Variants in CLSPN observed in about 807,000 individuals in gnomAD.
CLSPN encodes claspin, also known as claspin homolog.
Under a neutral mutation model 156.3 loss-of-function variants are expected in CLSPN, and 85 were observed. The ratio of observed to expected loss-of-function variants is 0.54; its 90% CI spans 0.46 to 0.65. The LOEUF is 0.65. CLSPN is among the 30% of genes least tolerant of loss of function. The probability of loss-of-function intolerance (pLI) is 0.00; values close to 1 mark genes in which losing one functional copy is unlikely to be tolerated. For missense variants in CLSPN, 1,407 were observed against 1,554.9 expected (o/e 0.90, Z 1.60); for synonymous variants, 534 against 542.4 (o/e 0.98, Z 0.22).
chr1:35,723,214 C>T (rs1290767088), intron 24 of CLSPN, among the ~76,000 whole-genome samples: 1 of 152,200 alleles, frequency 6.6e-6, no homozygotes, highest in Non-Finnish European at 1.5e-5. Flanking sequence ...GGTTCACCTA[C>T]CCACATATAT....
At chr1:35,740,969 C>T (rs1453242037) in intron 18 of CLSPN, among the ~76,000 whole-genome samples, 1 of 151,988 alleles carries the variant, frequency 6.6e-6, no homozygotes, top group Non-Finnish European at 1.5e-5. Context: ...TAAATTAGAA[C>T]CCAAAGTGAA....
chr1:35,762,481 T>A lies in CLSPN; in HGVS notation c.745A>T (p.Lys249Ter). ...AVKNKVKKHK[K>*]KEPSLESGVH... ...CCACTCTCCAAAGATGGTTCTTTTT[T>A]CTAAAAGAAATGGCAGGTTGATTAG... Residue 249 changes from lysine (K) to a stop codon, truncating the protein, a stop_gained and splice_region_variant, in exon 5 of 25, where the codon AAA becomes TAA. Transcript: ENST00000318121. LOFTEE classifies it high-confidence loss of function. 1 of 1,613,290 alleles carries A rather than the reference T, an allele frequency of 6.2e-7. No individual in the cohort carries two copies. Among genetic ancestry groups the A allele is most frequent in the Non-Finnish European group, 8.5e-7 (1 of 1,179,386 alleles).
intron 21 of CLSPN, 149 bp from the exon 22 acceptor site, chr1:35,738,246 G>T: frequency 1.5e-6 from 1 of 662,420 alleles, no homozygotes; most frequent in Non-Finnish European, 2.3e-6. Context: ...TGCTGCTTTA[G>T]ACAAAAAAAA....
chr1:35,763,208 T>C lies in CLSPN; in HGVS notation c.696A>G (p.Ser232=). Residue 232 remains serine (S), a synonymous_variant, in exon 4 of 25, where the codon TCA becomes TCG. Coordinates refer to ENST00000318121, the MANE Select transcript of CLSPN (RefSeq NM_022111.4). ...ENNSPLEDEE[S]LESIRAAVKN... ...TTACAGCTGCTCTTATTGATTCTAA[T>C]GACTCTTCATCTTCCAATGGAGAGT... 6.2e-7 allele frequency: 1 copy of C among 1,606,330 alleles called. No individual in the cohort carries two copies.
intron 9 of CLSPN, 61 bp downstream of exon 9, chr1:35,753,684 C>T: frequency 6.8e-7 from 1 of 1,474,580 alleles, no homozygotes; most frequent in Non-Finnish European, 9.4e-7. Context: ...TTTCAATAGC[C>T]TTGAAGATCT....
At chr1:35,742,909 G>A (rs1477456193) in intron 18 of CLSPN, among the ~76,000 whole-genome samples, 1 of 151,634 alleles carries the variant, frequency 6.6e-6, no homozygotes, top group African/African-American at 2.4e-5. Context: ...CATCACATCT[G>A]GCTAATTTTT....
chr1:35,727,790 T>A (rs938088832), downstream of CLSPN, among the ~76,000 whole-genome samples: 2 of 152,214 alleles, frequency 1.3e-5, no homozygotes, highest in African/African-American at 4.8e-5. Context: ...TTAACTCAGA[T>A]TATTCAGATG....
rs752391838 is a variant in CLSPN, at chr1:35,736,500, C to G, written c.4016G>C (p.Ser1339Thr). The change falls in exon 25 of 25, where the codon AGC becomes ACC. Residue 1339 changes from serine to threonine, a missense_variant. By Grantham distance (58) the Ser-to-Thr change is moderately conservative (BLOSUM62 1). Coordinates refer to ENST00000318121, the MANE Select transcript of CLSPN (RefSeq NM_022111.4). ...ATTTTGGCACCTTTGATGGTGTTAG[C>G]TCTCCAAATATTTGAAGATGCTTCG... ...LTRSIFKYLE[S>T] 6.3e-7 allele frequency: 1 copy of G among 1,597,758 alleles called. No homozygotes were observed. The highest frequency in any genetic ancestry group is 8.5e-7 in the Non-Finnish European group (1 of 1,173,156).
rs1190794874 is a variant in CLSPN, at chr1:35,733,330, T to TC, written c.*3165_*3166insG. On this transcript the variant is annotated 3_prime_UTR_variant, in exon 25 of 25. Transcript: ENST00000318121. ...TTTTCTTTTTTTTTTCTTTTTTTTT[T>TC]TTTTTTTAGAGTTGGGATTTCACCA... 2 of 251,414 alleles carry TC rather than the reference T, an allele frequency of 8.0e-6. No individual in the cohort carries two copies. The highest frequency in any genetic ancestry group is 1.8e-4 in the East Asian group (1 of 5,616). 15.6% of individuals were successfully genotyped at this position (251,414 alleles called of 1,614,324 possible).
intron 24 of CLSPN, 134 bp from the exon 25 acceptor site, chr1:35,736,740 G>C: frequency 7.1e-7 from 1 of 1,399,782 alleles, no homozygotes; most frequent in Non-Finnish European, 9.5e-7. Flanking sequence ...AACTTTCTCG[G>C]CAAGTTTAAA....
chr1:35,739,096 G>T (rs1557502202), intron 20 of CLSPN, 40 bp downstream of exon 20: 2 of 1,612,868 alleles, frequency 1.2e-6, no homozygotes, highest in African/African-American at 2.7e-5. Context: ...ACCATGCTCA[G>T]CCCGTAACTG....
In CLSPN at chr1:35,746,253, T is replaced by A. The variant is rs1361279020; in HGVS notation, c.2854+513A>T. On this transcript the variant is annotated intron_variant, in intron 15 of 24. Transcript: ENST00000318121. This position sits in a 1 kb window ranked among gnomAD's most constrained non-coding sequence, Gnocchi z 4.2. ...AGCCACTGCGCCCGGCCTAAAGTAGTCTTAAGTTGATACTTTACCACTCTA... is the reference window on the plus strand; with the variant it reads ...AGCCACTGCGCCCGGCCTAAAGTAGACTTAAGTTGATACTTTACCACTCTA... Among the ~76,000 whole-genome samples, 2 of 152,052 alleles carry A rather than the reference T, an allele frequency of 1.3e-5. No homozygotes were observed. Among genetic ancestry groups the A allele is most frequent in the African/African-American group, 4.8e-5 (2 of 41,394 alleles).
chr1:35,739,170 A>T lies in CLSPN; in HGVS notation c.3396T>A (p.Pro1132=). 1 of 1,614,192 alleles carries T rather than the reference A, an allele frequency of 6.2e-7. No individual in the cohort carries two copies. Among genetic ancestry groups the T allele is most frequent in the South Asian group, 1.1e-5 (1 of 91,084 alleles). ...LADGDLHSDG[P]GRMRKFRWKN... ...TCCATCGAAACTTCCTCATTCGCCC[A>T]GGACCATCGCTGTGCAGATCCCCAT... Residue 1132 remains proline, a synonymous_variant, in exon 20 of 25, where the codon CCT becomes CCA. Transcript: ENST00000318121.
At chr1:35,760,050 T>C (rs1037628575) in intron 8 of CLSPN, among the ~76,000 whole-genome samples, 26 of 152,228 alleles carry the variant, frequency 1.7e-4, no homozygotes, top group Non-Finnish European at 2.6e-4. Context: ...GCCAGGCTAG[T>C]CTCAAACTCC....
intron 16 of CLSPN, among the ~76,000 whole-genome samples, chr1:35,743,760 A>G (rs1361781370): frequency 6.6e-6 from 1 of 152,026 alleles, no homozygotes; most frequent in African/African-American, 2.4e-5. Flanking sequence ...AGTAGCTGGG[A>G]CTAGAGATAC....
At chr1:35,730,529 C>T (rs187119835), downstream of CLSPN, among the ~76,000 whole-genome samples, 17 of 134,992 alleles carry the variant, frequency 1.3e-4, no homozygotes, top group South Asian at 3.5e-3. Flanking sequence ...GATCACGTCA[C>T]TGCACTCCAG....
chr1:35,758,128 G>A (rs1262288578), intron 8 of CLSPN, among the ~76,000 whole-genome samples: 5 of 151,770 alleles, frequency 3.3e-5, no homozygotes, highest in Admixed American at 6.6e-5. Flanking sequence ...CACTGACATA[G>A]CACCTGCCAA....
At chr1:35,743,333 C>G (rs902039248) in intron 17 of CLSPN, 92 bp from the exon 18 acceptor site, 22 of 1,375,950 alleles carry the variant, frequency 1.6e-5, no homozygotes, top group Middle Eastern at 1.8e-4. Flanking sequence ...ATACCTCATT[C>G]TAGGAAATTG....
chr1:35,762,182 G>A, intron 5 of CLSPN, 112 bp from the exon 6 acceptor site: 1 of 861,612 alleles, frequency 1.2e-6, no homozygotes, highest in South Asian at 1.6e-5. Flanking sequence ...GAAATAGTAA[G>A]CATGAGTAAG....
Sources: allele counts gnomAD v4.1 joint callset (sites outside exome capture counted in the v4.1 genomes callset), GRCh38; gene constraint gnomAD v4.1.1; non-coding constraint Gnocchi (gnomAD v3.1); transcripts MANE v1.5; gene names NCBI Gene and HGNC (gene_info 2026-07-23, HGNC 2026-07-21).